Variants in FAF1 observed in about 807,000 individuals in gnomAD.
The protein encoded by FAF1 is Fas associated factor 1.
FAF1 carries 25 observed loss-of-function variants against 92.5 expected under a neutral mutation model. The ratio of observed to expected loss-of-function variants is 0.27; its 90% CI spans 0.20 to 0.38. The LOEUF (loss-of-function observed/expected upper bound fraction) is 0.38, where lower values mean the gene tolerates loss of function less well. Ranked by LOEUF, FAF1 falls within the 10% of genes least tolerant of loss-of-function variation. The pLI, the probability that FAF1 is intolerant of heterozygous loss-of-function variation, is 1.00. For synonymous variants in FAF1, 234 were observed against 273.2 expected (o/e 0.86, Z 1.42); for missense variants, 636 against 793.3 (o/e 0.80, Z 2.38).
intron 1 of FAF1, among the ~76,000 whole-genome samples, chr1:50,928,178 A>G (rs1480638832): frequency 6.6e-6 from 1 of 151,732 alleles, no homozygotes; most frequent in African/African-American, 2.4e-5. Context: ...CTTTTACTGC[A>G]TGCTCTCTGT....
At chr1:50,834,225 A>T (rs988177322) in intron 2 of FAF1, among the ~76,000 whole-genome samples, 2 of 152,184 alleles carry the variant, frequency 1.3e-5, no homozygotes, top group Non-Finnish European at 2.9e-5. Context: ...AAGTTTCCTG[A>T]GGCCTCCCCA....
At chr1:50,676,351 G>A (rs1339839103) in intron 7 of FAF1, among the ~76,000 whole-genome samples, 2 of 150,966 alleles carry the variant, frequency 1.3e-5, no homozygotes, top group East Asian at 3.9e-4. Context: ...AGGTTGCAGT[G>A]AGCCAAGATC....
intron 15 of FAF1, among the ~76,000 whole-genome samples, chr1:50,512,717 G>C (rs963554636): frequency 1.3e-5 from 2 of 152,114 alleles, no homozygotes; most frequent in Non-Finnish European, 2.9e-5. Flanking sequence ...TGGCTATAAC[G>C]GCTCTTTTTT....
intron 6 of FAF1, among the ~76,000 whole-genome samples, chr1:50,726,977 A>G (rs1658688881): frequency 1.3e-5 from 2 of 152,256 alleles, no homozygotes; most frequent in Admixed American, 6.5e-5. Flanking sequence ...GGTGATCATC[A>G]GCAATACAAA....
At chr1:50,936,218 T>C (rs1645083782) in intron 1 of FAF1, among the ~76,000 whole-genome samples, 1 of 152,192 alleles carries the variant, frequency 6.6e-6, no homozygotes, top group Non-Finnish European at 1.5e-5. Flanking sequence ...ACTTCCTGGC[T>C]GTAAAGAACT....
intron 9 of FAF1, among the ~76,000 whole-genome samples, chr1:50,592,794 C>T (rs914123501): frequency 3.3e-5 from 5 of 151,976 alleles, no homozygotes; most frequent in South Asian, 4.1e-4. Flanking sequence ...CTCAAAATGC[C>T]GGGCATGGTG....
chr1:50,760,051 C>T (rs1250990485), intron 4 of FAF1, among the ~76,000 whole-genome samples: 9 of 151,994 alleles, frequency 5.9e-5, no homozygotes, highest in African/African-American at 1.9e-4. Context: ...TCTGGATACT[C>T]GCCCTTTGTC....
intron 7 of FAF1, among the ~76,000 whole-genome samples, chr1:50,687,539 C>A (rs1210192927): frequency 6.6e-6 from 1 of 151,970 alleles, no homozygotes; most frequent in Non-Finnish European, 1.5e-5. Context: ...CACCTGATGT[C>A]AGGAGTTCGA....
intron 1 of FAF1, among the ~76,000 whole-genome samples, chr1:50,867,524 C>T (rs558222867): frequency 3.0e-4 from 45 of 151,756 alleles, no homozygotes; most frequent in African/African-American, 1.0e-3. Flanking sequence ...GGGCTAGGGA[C>T]ATGAATAGAC....
In FAF1 at chr1:50,574,756, A is replaced by G. The variant is rs369085593; in HGVS notation, c.1114-7525T>C. ...TAATAATGCATTCTTACTGAAAATC[A>G]TAAGAATTACAATGATTTATGGGTA... On this transcript the variant is annotated intron_variant, in intron 12 of 18. Coordinates refer to ENST00000396153, the MANE Select transcript of FAF1 (RefSeq NM_007051.3). Among the ~76,000 whole-genome samples, 71 of 152,240 alleles carry G rather than the reference A, an allele frequency of 4.7e-4. 1 individual carries two copies. In the South Asian group the frequency reaches 7.9e-3, roughly 17 times the overall value.
intron 3 of FAF1, among the ~76,000 whole-genome samples, chr1:50,789,357 TAA>T (rs1490378701): frequency 2.0e-5 from 3 of 152,308 alleles, no homozygotes; most frequent in Non-Finnish European, 4.4e-5. Context: ...TGGTACTTAG[TAA>T]GATCCCGGAC....
chr1:50,875,803 C>T (rs1226367186), intron 1 of FAF1, among the ~76,000 whole-genome samples: 1 of 152,094 alleles, frequency 6.6e-6, no homozygotes, highest in Non-Finnish European at 1.5e-5. Flanking sequence ...CAATACAGCT[C>T]ATGAACTTAC....
intron 7 of FAF1, among the ~76,000 whole-genome samples, chr1:50,696,767 G>T (rs1657250700): frequency 1.3e-5 from 2 of 151,746 alleles, no homozygotes; most frequent in African/African-American, 4.8e-5. Context: ...CTTTCCTCAC[G>T]CTTCCTTCAT....
chr1:50,614,045 C>G (rs925620058), intron 8 of FAF1, among the ~76,000 whole-genome samples: 2 of 151,568 alleles, frequency 1.3e-5, no homozygotes, highest in Non-Finnish European at 2.9e-5. Context: ...TGCAGTGAGT[C>G]GGGATTGTGC....
chr1:50,754,569 A>G (rs1437591897), intron 4 of FAF1, among the ~76,000 whole-genome samples: 1 of 152,198 alleles, frequency 6.6e-6, no homozygotes, highest in African/African-American at 2.4e-5. Flanking sequence ...TACTTCTTAG[A>G]TGGAAGCTTT....
At chr1:50,881,654 C>A (rs945436222) in intron 1 of FAF1, among the ~76,000 whole-genome samples, 3 of 152,088 alleles carry the variant, frequency 2.0e-5, no homozygotes, top group Non-Finnish European at 4.4e-5. Flanking sequence ...CTTGGCAACA[C>A]CTGCAGGTAT....
At chr1:50,949,486 G>GGACAGAAA (rs1479900153) in intron 1 of FAF1, among the ~76,000 whole-genome samples, 3 of 152,122 alleles carry the variant, frequency 2.0e-5, no homozygotes, top group African/African-American at 7.2e-5. Context: ...GTCCCCTGGG[G>GGACAGAAA]GACAGAAATC....
chr1:50,689,875 AC>A (rs776235402), intron 7 of FAF1, among the ~76,000 whole-genome samples: 41 of 152,326 alleles, frequency 2.7e-4, no homozygotes, highest in Admixed American at 5.9e-4. Flanking sequence ...AGGTAATACA[AC>A]AAAAACAAAT....
chr1:50,878,677 G>T (rs1489528859), intron 1 of FAF1, among the ~76,000 whole-genome samples: 1 of 152,100 alleles, frequency 6.6e-6, no homozygotes, highest in Non-Finnish European at 1.5e-5. Context: ...TCCTCTCAAT[G>T]ATACCACAAG....
Sources: allele counts gnomAD v4.1 joint callset (sites outside exome capture counted in the v4.1 genomes callset), GRCh38; gene constraint gnomAD v4.1.1; transcripts MANE v1.5; gene names NCBI Gene and HGNC (gene_info 2026-07-23, HGNC 2026-07-21).